The following DYRK1A variants were observed in gnomAD, a reference collection of about 807,000 sequenced individuals.
The protein encoded by DYRK1A is dual specificity tyrosine-phosphorylation-regulated kinase 1A.
DYRK1A carries 9 observed loss-of-function variants against 79.7 expected under a neutral mutation model. The observed-to-expected ratio is 0.11, with a 90% CI of 0.07 to 0.20. The LOEUF is 0.20. Among genes scored for constraint, DYRK1A ranks in the 10% least tolerant of loss-of-function variants. DYRK1A has a pLI of 1.00. For synonymous variants in DYRK1A, 349 were observed against 329.7 expected, an observed-to-expected ratio of 1.06 and a Z score of -0.63; for missense variants, 622 against 956.0, an observed-to-expected ratio of 0.65 and a Z score of 4.61.
At chr21:37,485,884 G>A (rs774778418) in intron 5 of DYRK1A, among the ~76,000 whole-genome samples, 1 of 151,990 alleles carries the variant, frequency 6.6e-6, no homozygotes, top group Non-Finnish European at 1.5e-5. Flanking sequence ...CAATTATGGC[G>A]TTTGTGGCAT....
upstream of DYRK1A, among the ~76,000 whole-genome samples, chr21:37,366,407 CGCGGGGCGGG>C (rs916663074): frequency 6.2e-5 from 9 of 145,662 alleles, no homozygotes; most frequent in Admixed American, 2.7e-4. Flanking sequence ...TCGGCGCGGG[CGCGGGGCGGG>C]GCGGGGCGGC....
chr21:37,417,523 C>CTTTTTCTTTTTCTTTTT (rs2050369920), intron 1 of DYRK1A, among the ~76,000 whole-genome samples: 2 of 47,160 alleles, frequency 4.2e-5, no homozygotes, highest in African/African-American at 1.9e-4. Flanking sequence ...TTTTCTTTTT[C>CTTTTTCTTTTTCTTTTT]TTTTTCTTTT....
In DYRK1A at chr21:37,427,273, G is replaced by C. The variant is rs186957659; in HGVS notation, c.10+6889G>C. On this transcript the variant is annotated intron_variant, in intron 2 of 11. Coordinates refer to ENST00000647188, the MANE Select transcript of DYRK1A (RefSeq NM_001347721.2). ...ACTGCAGGCACGTGCTGCCACACCTGGCTAACTTCTTTATTTTTATTTCTG... is the reference window on the plus strand; with the variant it reads ...ACTGCAGGCACGTGCTGCCACACCTCGCTAACTTCTTTATTTTTATTTCTG... Among the ~76,000 whole-genome samples, 18 of 152,242 alleles carry C rather than the reference G, an allele frequency of 1.2e-4. No homozygotes were observed. The East Asian group carries it at 3.3e-3, about 28-fold the overall frequency.
chr21:37,407,034 G>GT (rs2050161330), intron 1 of DYRK1A, among the ~76,000 whole-genome samples: 1 of 150,530 alleles, frequency 6.6e-6, no homozygotes, highest in South Asian at 2.1e-4. Flanking sequence ...AAGGTTTGCT[G>GT]TTTTTTCTTC....
Position 37,417,506 on chromosome 21 carries a change from C to CTTTTCTTTTTCTTTTTCTTTTTCT in DYRK1A, c.-76-2788_-76-2765dup, listed in dbSNP as rs3831374. The stretch of plus-strand genomic sequence containing the variant: ...TCCCGGCCTTGTATTTTTTATTTTT[C>CTTTTCTTTTTCTTTTTCTTTTTCT]TTTTCTTTTTCTTTTTCTTTTTCTT... On this transcript the variant is annotated intron_variant, in intron 1 of 11. Coordinates refer to ENST00000647188, the MANE Select transcript of DYRK1A (RefSeq NM_001347721.2). Among the ~76,000 whole-genome samples, 518 of 70,254 alleles carry CTTTTCTTTTTCTTTTTCTTTTTCT rather than the reference C, an allele frequency of 7.4e-3. 40 individuals carry two copies. The highest frequency in any genetic ancestry group is 0.015 in the South Asian group (22 of 1,426). 46.1% of individuals were successfully genotyped at this position (70,254 alleles called of 152,430 possible).
At chr21:37,397,879 C>G (rs1244048064) in intron 1 of DYRK1A, among the ~76,000 whole-genome samples, 1 of 151,894 alleles carries the variant, frequency 6.6e-6, no homozygotes, top group Non-Finnish European at 1.5e-5. Flanking sequence ...TGCCTGGCTC[C>G]TGTACCACAC....
intron 11 of DYRK1A, among the ~76,000 whole-genome samples, chr21:37,508,551 TGTG>T (rs1355261441): frequency 1.3e-5 from 2 of 152,214 alleles, no homozygotes; most frequent in African/African-American, 4.8e-5. Context: ...CCTCCCAAAG[TGTG>T]GGGATTACAG....
chr21:37,397,029 T>C (rs1300469688), intron 1 of DYRK1A, among the ~76,000 whole-genome samples: 1 of 152,190 alleles, frequency 6.6e-6, no homozygotes, highest in Non-Finnish European at 1.5e-5. Flanking sequence ...GTCTCTGTAC[T>C]AGCTCAGAAG....
chr21:37,375,809 C>T (rs1569276121), intron 1 of DYRK1A, among the ~76,000 whole-genome samples: 1 of 151,922 alleles, frequency 6.6e-6, no homozygotes. Flanking sequence ...ACACCCAGCC[C>T]TGGAGGAATA....
At chr21:37,426,797 T>G (rs6517415) in intron 2 of DYRK1A, among the ~76,000 whole-genome samples, 145,787 of 145,790 alleles carry the variant, frequency 1, 72,892 homozygotes, top group Middle Eastern at 1. Flanking sequence ...GCGGGCACCT[T>G]TAGTCCCAGC....
chr21:37,486,466 G>T lies in DYRK1A; in HGVS notation c.490-1G>T. ...AGAGAATTATTCATCTTCTCTTTTA[G>T]GTTGTAAAGGCATATGATCGTGTGG... On this transcript the variant is annotated splice_acceptor_variant, in intron 5 of 11. Transcript: ENST00000647188. LOFTEE classifies it high-confidence loss of function. 6.7e-7 allele frequency: 1 copy of T among 1,483,968 alleles called. No individual in the cohort carries two copies. The allele number at this position is 1,483,968 out of a possible 1,614,324, so 91.9% of individuals were successfully genotyped here. A position where few individuals can be genotyped will look rare whatever the true frequency, so the allele number is the denominator to read the frequency against.
At chr21:37,458,174 C>T (rs567742260) in intron 2 of DYRK1A, among the ~76,000 whole-genome samples, 29 of 151,464 alleles carry the variant, frequency 1.9e-4, no homozygotes, top group East Asian at 5.9e-4. Flanking sequence ...TTTGTACTTA[C>T]GGGTTTCTTG....
intron 11 of DYRK1A, 25 bp from the exon 12 acceptor site, chr21:37,511,886 T>C: frequency 6.3e-7 from 1 of 1,599,540 alleles, no homozygotes; most frequent in Non-Finnish European, 8.5e-7. Context: ...CTCTGAAAAA[T>C]CCTTTTAAAA....
intron 2 of DYRK1A, among the ~76,000 whole-genome samples, chr21:37,464,822 T>G (rs76639944): frequency 0.011 from 1,746 of 152,342 alleles, 31 homozygotes; most frequent in East Asian, 0.082. Context: ...TGAGTCATTT[T>G]TTCCATTAAC....
chr21:37,489,044 C>A (rs535300468), intron 6 of DYRK1A, among the ~76,000 whole-genome samples: 1 of 152,064 alleles, frequency 6.6e-6, no homozygotes. Flanking sequence ...AACTTTAGAT[C>A]ACCTATACCA....
intron 1 of DYRK1A, among the ~76,000 whole-genome samples, chr21:37,375,757 C>T (rs2049526363): frequency 6.6e-6 from 1 of 151,888 alleles, no homozygotes; most frequent in Non-Finnish European, 1.5e-5. Flanking sequence ...CAACTCCTGA[C>T]CTTGGCCTCC....
intron 1 of DYRK1A, among the ~76,000 whole-genome samples, chr21:37,394,583 G>A (rs2049927852): frequency 6.6e-6 from 1 of 152,158 alleles, no homozygotes; most frequent in South Asian, 2.1e-4. Context: ...CCTGAGCTCT[G>A]CCTCCTGTCA....
At chr21:37,461,371 A>G (rs550971442) in intron 2 of DYRK1A, among the ~76,000 whole-genome samples, 3 of 152,328 alleles carry the variant, frequency 2.0e-5, no homozygotes, top group South Asian at 2.1e-4. Context: ...ATTTATATGT[A>G]ATAAACTCCA....
At position 37,490,093 on chromosome 21, in the gene DYRK1A, T is replaced by C. The variant is rs529589034; in HGVS notation, c.638-82T>C. ...CTCTGCATTTGATGTAATAATGTTA[T>C]AGAACATTTGAGAGTGCATGTGTTT... On this transcript the variant is annotated intron_variant, in intron 6 of 11. Transcript: ENST00000647188. 16 of 1,336,748 alleles carry C rather than the reference T, an allele frequency of 1.2e-5. No homozygotes were observed. In the African/African-American group the frequency reaches 1.3e-4, roughly 11 times the overall value. 82.8% of individuals were successfully genotyped at this position (1,336,748 alleles called of 1,614,324 possible).
Sources: gnomAD v4.1 joint callset for allele counts (sites outside exome capture counted in the v4.1 genomes callset) on GRCh38, gnomAD v4.1.1 for gene constraint, MANE v1.5 for transcripts, NCBI Gene and HGNC (gene_info 2026-07-23, HGNC 2026-07-21) for gene names.